MBTD1: variants seen among roughly 807,000 people sequenced by gnomAD.
MBTD1 encodes mbt domain containing 1, also known as MBT domain-containing protein 1.
A neutral mutation model predicts 87.8 loss-of-function variants in MBTD1; 24 were observed. That is an observed-to-expected ratio of 0.27 (90% CI 0.20 to 0.38). MBTD1 has a LOEUF of 0.38. Among genes scored for constraint, MBTD1 ranks in the 10% least tolerant of loss-of-function variants. The probability of loss-of-function intolerance (pLI) is 1.00; values close to 1 mark genes in which losing one functional copy is unlikely to be tolerated. For missense variants in MBTD1, 436 were observed against 760.2 expected (o/e 0.57, Z 5.02); for synonymous variants, 237 against 248.6 (o/e 0.95, Z 0.44).
chr17:51,241,404 A>G (rs977141150), intron 2 of MBTD1, among the ~76,000 whole-genome samples: 2 of 152,100 alleles, frequency 1.3e-5, no homozygotes. Flanking sequence ...TTAAATTTTC[A>G]CTCAAGATTT....
chr17:51,200,009 T>C (rs755183619), intron 12 of MBTD1, among the ~76,000 whole-genome samples: 2 of 152,196 alleles, frequency 1.3e-5, no homozygotes, highest in East Asian at 3.9e-4. Flanking sequence ...GTAGTTTTAG[T>C]AGAGACAGGG....
chr17:51,189,807 T>A (rs1326482348), intron 16 of MBTD1, among the ~76,000 whole-genome samples: 1 of 152,224 alleles, frequency 6.6e-6, no homozygotes, highest in Non-Finnish European at 1.5e-5. Context: ...CTGACATAAA[T>A]GAAGTTCCCA....
At chr17:51,210,020 G>A (rs948497398) in intron 6 of MBTD1, among the ~76,000 whole-genome samples, 14 of 151,274 alleles carry the variant, frequency 9.3e-5, no homozygotes, top group Admixed American at 6.6e-5. Context: ...CCTTTTTTTT[G>A]AGACAGAGTC....
chr17:51,252,712 CGACA>C (rs1408553356), intron 2 of MBTD1, among the ~76,000 whole-genome samples: 3 of 149,052 alleles, frequency 2.0e-5, no homozygotes, highest in African/African-American at 7.4e-5. Context: ...CCAGTCTGGG[CGACA>C]GAGTGAGACT....
intron 7 of MBTD1, among the ~76,000 whole-genome samples, chr17:51,205,738 T>C (rs1360084363): frequency 1.3e-5 from 2 of 152,326 alleles, no homozygotes; most frequent in Non-Finnish European, 1.5e-5. Flanking sequence ...AACTCATCAA[T>C]AGTCATAAAT....
chr17:51,190,647 G>A (rs969363435), intron 16 of MBTD1, among the ~76,000 whole-genome samples: 2 of 136,284 alleles, frequency 1.5e-5, no homozygotes, highest in African/African-American at 5.6e-5. Context: ...GCTTGTACCC[G>A]AGAAGTCGAG....
chr17:51,225,586 G>A (rs543613917), intron 2 of MBTD1, among the ~76,000 whole-genome samples: 3 of 149,998 alleles, frequency 2.0e-5, no homozygotes, highest in South Asian at 4.2e-4. Flanking sequence ...TTAATTCCTC[G>A]TCTCAAGCAA....
chr17:51,224,491 T>A (rs2053098470), intron 3 of MBTD1, among the ~76,000 whole-genome samples: 1 of 152,234 alleles, frequency 6.6e-6, no homozygotes, highest in Admixed American at 6.5e-5. Context: ...AAATTTTGGT[T>A]CAATAAAGAC....
At chr17:51,205,774 C>T (rs951006559) in intron 7 of MBTD1, among the ~76,000 whole-genome samples, 1 of 151,982 alleles carries the variant, frequency 6.6e-6, no homozygotes, top group Admixed American at 6.6e-5. Flanking sequence ...CCTTTAAGTA[C>T]AAAGAGGCCA....
In MBTD1 at chr17:51,238,658, T is replaced by C. The variant is rs77468563; in HGVS notation, c.-48-13449A>G. 2.7e-3 allele frequency among the ~76,000 whole-genome samples: 404 copies of C among 152,298 alleles called. 10 individuals are homozygous for C. In the East Asian group the frequency reaches 0.039, roughly 15 times the overall value. Reference sequence around the variant, plus strand: ...AAAAGGCAACAGGCACTTTCAACACTGACTAAATGAAAAAAGTGAACCAAT... The same window carrying C: ...AAAAGGCAACAGGCACTTTCAACACCGACTAAATGAAAAAAGTGAACCAAT... On this transcript the variant is annotated intron_variant, in intron 2 of 16. Coordinates refer to ENST00000586178, the MANE Select transcript of MBTD1 (RefSeq NM_017643.3).
intron 7 of MBTD1, among the ~76,000 whole-genome samples, chr17:51,205,903 T>C (rs1461583968): frequency 6.6e-6 from 1 of 152,124 alleles, no homozygotes; most frequent in Non-Finnish European, 1.5e-5. Flanking sequence ...GAAATAAAAC[T>C]AGAGAGAGTG....
chr17:51,225,492 C>G (rs1030816255), intron 2 of MBTD1, among the ~76,000 whole-genome samples: 1 of 151,772 alleles, frequency 6.6e-6, no homozygotes, highest in Non-Finnish European at 1.5e-5. Flanking sequence ...GCTGGGACTA[C>G]AGGCAAGTGC....
At chr17:51,205,956 T>G (rs895264438) in intron 7 of MBTD1, among the ~76,000 whole-genome samples, 4 of 152,100 alleles carry the variant, frequency 2.6e-5, no homozygotes, top group African/African-American at 9.7e-5. Flanking sequence ...GAAGATAACT[T>G]TTCTTATGAG....
chr17:51,251,357 C>A (rs545556869), intron 2 of MBTD1: 1 of 152,122 alleles, frequency 6.6e-6, no homozygotes. Flanking sequence ...CAAGTCTTCA[C>A]TGACATGTCT....
intron 3 of MBTD1, among the ~76,000 whole-genome samples, chr17:51,221,598 T>C (rs1257483326): frequency 6.6e-6 from 1 of 152,144 alleles, no homozygotes; most frequent in East Asian, 1.9e-4. Flanking sequence ...ATGGGTTCTG[T>C]ATCTGTGGAT....
intron 16 of MBTD1, chr17:51,185,391 G>GCAAA (rs1157990183): frequency 2.0e-5 from 3 of 152,186 alleles, no homozygotes; most frequent in Non-Finnish European, 4.4e-5. Context: ...ATTACAAAGG[G>GCAAA]CAAAACCTTC....
At chr17:51,260,453 T>A, upstream of MBTD1, 3 of 970,776 alleles carry the variant, frequency 3.1e-6, no homozygotes. Flanking sequence ...GAGGGAGTGC[T>A]GGTCACGTGG....
At position 51,186,774 on chromosome 17, in the gene MBTD1, CA is replaced by C. The variant is rs200710672; in HGVS notation, c.1768+5428del. On this transcript the variant is annotated intron_variant, in intron 16 of 16. Coordinates refer to ENST00000586178, the MANE Select transcript of MBTD1 (RefSeq NM_017643.3). The stretch of plus-strand genomic sequence containing the variant: ...GGGCGACAAAGCAAGACTCTCGTCT[CA>C]AAAAAAAAAACCAAAACAAAACAAA... 2.8e-4 allele frequency among the ~76,000 whole-genome samples: 40 copies of C among 141,826 alleles called. No individual in the cohort carries two copies. The South Asian group carries it at 7.0e-3, about 25-fold the overall frequency. 93.0% of individuals were successfully genotyped at this position (141,826 alleles called of 152,430 possible).
At position 51,179,523 on chromosome 17, in the gene MBTD1, T is replaced by TTCC. The variant is rs1205398109; in HGVS notation, c.*1052_*1053insGGA. On this transcript the variant is annotated 3_prime_UTR_variant, in exon 17 of 17. Transcript: ENST00000586178. ...ATATATATATATATATATATATATATATATATATATATATGGAATTTTAAG... is the reference window on the plus strand; with the variant it reads ...ATATATATATATATATATATATATATTCCATATATATATATATGGAATTTTAAG... The TTCC allele has an allele frequency of 3.0e-3, 326 of 109,160 alleles. 15 individuals are homozygous for TTCC. Among genetic ancestry groups the TTCC allele is most frequent in the Non-Finnish European group, 5.0e-3 (258 of 51,944 alleles). 6.8% of individuals were successfully genotyped at this position (109,160 alleles called of 1,614,324 possible).
Sources: gnomAD v4.1 joint callset for allele counts (sites outside exome capture counted in the v4.1 genomes callset) on GRCh38, gnomAD v4.1.1 for gene constraint, MANE v1.5 for transcripts, NCBI Gene and HGNC (gene_info 2026-07-23, HGNC 2026-07-21) for gene names.